The following EFNA5 variants were observed in gnomAD, a reference collection of about 807,000 sequenced individuals.
EFNA5 encodes ephrin A5.
EFNA5 carries 5 observed loss-of-function variants against 22.9 expected under a neutral mutation model. The ratio of observed to expected loss-of-function variants is 0.22; its 90% CI spans 0.11 to 0.46. EFNA5 has a LOEUF of 0.46. EFNA5 is among the 20% of genes least tolerant of loss of function. The pLI, the probability that EFNA5 is intolerant of heterozygous loss-of-function variation, is 0.99. For synonymous variants in EFNA5, 113 were observed against 112.2 expected (o/e 1.01, Z -0.04); for missense variants, 237 against 293.3 (o/e 0.81, Z 1.40).
At chr5:107,536,255 T>G (rs1207750865) in intron 1 of EFNA5, among the ~76,000 whole-genome samples, 1 of 152,204 alleles carries the variant, frequency 6.6e-6, no homozygotes, top group East Asian at 1.9e-4. Context: ...AATAATCTGC[T>G]TGTTTCATAC....
At chr5:107,435,243 G>A (rs1749077424) in intron 1 of EFNA5, among the ~76,000 whole-genome samples, 2 of 150,410 alleles carry the variant, frequency 1.3e-5, no homozygotes, top group African/African-American at 4.9e-5. Context: ...GCTGCTTCTT[G>A]CATCCTTCTG....
At chr5:107,624,593 T>C (rs947782974) in intron 1 of EFNA5, among the ~76,000 whole-genome samples, 2 of 152,122 alleles carry the variant, frequency 1.3e-5, no homozygotes, top group African/African-American at 2.4e-5. Context: ...ACTAAAAATA[T>C]TCTCTCCATA....
intron 1 of EFNA5, among the ~76,000 whole-genome samples, chr5:107,463,348 AAG>A (rs1319184110): frequency 9.2e-5 from 14 of 152,242 alleles, no homozygotes; most frequent in African/African-American, 2.9e-4. Flanking sequence ...ATTATAAATA[AAG>A]TTCACTTTCA....
At chr5:107,452,325 G>A (rs576797113) in intron 1 of EFNA5, among the ~76,000 whole-genome samples, 6 of 151,164 alleles carry the variant, frequency 4.0e-5, no homozygotes, top group South Asian at 2.1e-4. Flanking sequence ...CAAGTATCCC[G>A]TTTTTTTTCT....
At chr5:107,404,967 T>G (rs1748170728) in intron 2 of EFNA5, among the ~76,000 whole-genome samples, 1 of 152,198 alleles carries the variant, frequency 6.6e-6, no homozygotes, top group Admixed American at 6.5e-5. Flanking sequence ...AATATTATAT[T>G]ACTGTAACTG....
chr5:107,664,748 C>T (rs989239570), intron 1 of EFNA5, among the ~76,000 whole-genome samples: 1 of 152,066 alleles, frequency 6.6e-6, no homozygotes, highest in Non-Finnish European at 1.5e-5. Flanking sequence ...AGGCAAGGAC[C>T]TTCCTCACTG....
intron 1 of EFNA5, among the ~76,000 whole-genome samples, chr5:107,500,997 C>G (rs920309304): frequency 2.0e-5 from 3 of 152,156 alleles, no homozygotes; most frequent in African/African-American, 7.2e-5. Context: ...GCTCCAGCTC[C>G]TAACTCTTAC....
At chr5:107,507,760 C>A (rs1747281215) in intron 1 of EFNA5, among the ~76,000 whole-genome samples, 1 of 152,080 alleles carries the variant, frequency 6.6e-6, no homozygotes, top group African/African-American at 2.4e-5. Context: ...TCACTTGAAC[C>A]CAGGAGGTCG....
intron 1 of EFNA5, among the ~76,000 whole-genome samples, chr5:107,435,315 CTTTT>C (rs3999107): frequency 5.1e-4 from 53 of 104,626 alleles, no homozygotes; most frequent in East Asian, 1.8e-3. Context: ...TGAAGATGCT[CTTTT>C]TTTTTTTTTT....
intron 1 of EFNA5, among the ~76,000 whole-genome samples, chr5:107,483,019 C>T (rs929689491): frequency 6.6e-6 from 1 of 151,920 alleles, no homozygotes; most frequent in African/African-American, 2.4e-5. Context: ...TCTCATGAAC[C>T]TCGGGAAAAC....
chr5:107,569,377 A>G (rs1580535030), intron 1 of EFNA5, among the ~76,000 whole-genome samples: 1 of 145,698 alleles, frequency 6.9e-6, no homozygotes, highest in Admixed American at 7.0e-5. Flanking sequence ...GTATATATAT[A>G]TATATTTTTA....
intron 1 of EFNA5, among the ~76,000 whole-genome samples, chr5:107,534,017 T>A (rs1051644041): frequency 2.0e-5 from 3 of 152,324 alleles, no homozygotes; most frequent in Admixed American, 6.5e-5. Context: ...CTATAAAGAC[T>A]GTTAACCAGA....
intron 1 of EFNA5, among the ~76,000 whole-genome samples, chr5:107,509,823 ATC>A (rs1354958557): frequency 5.9e-5 from 9 of 152,210 alleles, no homozygotes; most frequent in African/African-American, 2.2e-4. Context: ...CTCAATAAAT[ATC>A]TGTGTATTGA....
intron 1 of EFNA5, among the ~76,000 whole-genome samples, chr5:107,565,542 T>C (rs1748647454): frequency 6.6e-6 from 1 of 152,238 alleles, no homozygotes; most frequent in South Asian, 2.1e-4. Flanking sequence ...CACATTACTA[T>C]GCTCCTACAT....
chr5:107,647,451 T>C (rs146485057), intron 1 of EFNA5, among the ~76,000 whole-genome samples: 3 of 152,254 alleles, frequency 2.0e-5, no homozygotes, highest in Middle Eastern at 3.4e-3. Flanking sequence ...AATAGCTATA[T>C]TGGTAACTGG....
At chr5:107,526,449 A>G (rs2112447855) in intron 1 of EFNA5, among the ~76,000 whole-genome samples, 2 of 152,334 alleles carry the variant, frequency 1.3e-5, no homozygotes, top group South Asian at 2.1e-4. Context: ...GCTCACTCTG[A>G]CAGGAGAAAG....
At chr5:107,526,309 C>A (rs62355609) in intron 1 of EFNA5, among the ~76,000 whole-genome samples, 8,691 of 152,282 alleles carry the variant, frequency 0.057, 293 homozygotes, top group Middle Eastern at 0.072. Flanking sequence ...GGAAGAGAAG[C>A]CTGATCCCAG....
intron 1 of EFNA5, among the ~76,000 whole-genome samples, chr5:107,445,933 T>C (rs1261467665): frequency 6.6e-6 from 1 of 152,184 alleles, no homozygotes. Context: ...TTTATAGACA[T>C]CCATCTGATA....
intron 1 of EFNA5, among the ~76,000 whole-genome samples, chr5:107,574,143 T>C (rs1402995572): frequency 6.6e-6 from 1 of 152,244 alleles, no homozygotes; most frequent in Non-Finnish European, 1.5e-5. Flanking sequence ...ATCAATTGGT[T>C]TTCTTATTGA....
Sources: gnomAD v4.1 joint callset for allele counts (sites outside exome capture counted in the v4.1 genomes callset) on GRCh38, gnomAD v4.1.1 for gene constraint, MANE v1.5 for transcripts, NCBI Gene and HGNC (gene_info 2026-07-23, HGNC 2026-07-21) for gene names.